Variants in ACACA observed in about 807,000 individuals in gnomAD.
The protein encoded by ACACA is acetyl-CoA carboxylase 1.
A neutral mutation model predicts 296.1 loss-of-function variants in ACACA; 103 were observed. That is an observed-to-expected ratio of 0.35 (90% CI 0.30 to 0.41). ACACA has a LOEUF of 0.41. Among genes scored for constraint, ACACA ranks in the 10% least tolerant of loss-of-function variants. ACACA has a pLI of 1.00. For missense variants in ACACA, 1,554 were observed against 2,989.7 expected, an observed-to-expected ratio of 0.52 and a Z score of 11.20; for synonymous variants, 953 against 1,038.6, an observed-to-expected ratio of 0.92 and a Z score of 1.58.
intron 1 of ACACA, among the ~76,000 whole-genome samples, chr17:37,381,766 T>C (rs183426986): frequency 1.3e-4 from 19 of 151,730 alleles, no homozygotes; most frequent in South Asian, 2.1e-4. Context: ...TAGCTGGGAC[T>C]ACAGGCACTC....
intron 45 of ACACA, among the ~76,000 whole-genome samples, chr17:37,134,477 T>A (rs892782796): frequency 3.9e-5 from 6 of 152,206 alleles, no homozygotes; most frequent in African/African-American, 1.4e-4. Flanking sequence ...GCAACTTAGC[T>A]CAATTTTTTA....
chr17:37,245,614 CA>C (rs2080656497), intron 19 of ACACA, among the ~76,000 whole-genome samples: 1 of 152,172 alleles, frequency 6.6e-6, no homozygotes, highest in Non-Finnish European at 1.5e-5. Context: ...CCAACCCAGC[CA>C]GACATATCTT....
At chr17:37,092,748 A>G (rs2072732937) in intron 54 of ACACA, among the ~76,000 whole-genome samples, 1 of 152,220 alleles carries the variant, frequency 6.6e-6, no homozygotes, top group South Asian at 2.1e-4. Context: ...AGACACCTCC[A>G]GCTAGGGAGG....
intron 54 of ACACA, among the ~76,000 whole-genome samples, chr17:37,093,085 C>T (rs935107451): frequency 2.0e-5 from 3 of 152,194 alleles, no homozygotes; most frequent in Non-Finnish European, 4.4e-5. Context: ...TTACCTCCTC[C>T]CTGCCTGGCC....
chr17:37,096,904 G>C, intron 54 of ACACA, 92 bp downstream of exon 54: 3 of 1,475,014 alleles, frequency 2.0e-6, no homozygotes, highest in Admixed American at 1.7e-5. Context: ...CCTGCCCTTA[G>C]AGGCCTGTGG....
chr17:37,225,402 T>C, intron 26 of ACACA: 1 of 351,002 alleles, frequency 2.8e-6, no homozygotes, highest in Non-Finnish European at 5.4e-6. Flanking sequence ...TGATTTACCA[T>C]TGCAAAGCTG....
chr17:37,247,682 T>C (rs1383276795), intron 18 of ACACA, among the ~76,000 whole-genome samples: 1 of 152,202 alleles, frequency 6.6e-6, no homozygotes, highest in African/African-American at 2.4e-5. Flanking sequence ...TGTGAATGTA[T>C]TTAAAGAAAA....
intron 26 of ACACA, 32 bp from the exon 27 acceptor site, chr17:37,225,137 T>A (rs1471276758): frequency 1.6e-6 from 2 of 1,288,078 alleles, no homozygotes; most frequent in Non-Finnish European, 2.3e-6. Context: ...AGGCACACAT[T>A]CCTCGGAGTG....
intron 33 of ACACA, among the ~76,000 whole-genome samples, chr17:37,200,863 T>C (rs1347453444): frequency 6.6e-6 from 1 of 152,122 alleles, no homozygotes. Flanking sequence ...AGATGCTAAA[T>C]GAAATTAGGT....
At chr17:37,366,065 T>C (rs2049591603) in intron 1 of ACACA, among the ~76,000 whole-genome samples, 1 of 152,218 alleles carries the variant, frequency 6.6e-6, no homozygotes, top group Non-Finnish European at 1.5e-5. Context: ...GTTTGGATTT[T>C]GCCCAGTCGT....
chr17:37,223,565 G>A lies in ACACA; in HGVS notation c.3511C>T (p.Leu1171=). Residue 1171 remains leucine, a synonymous_variant, in exon 28 of 56, where the codon CTA becomes TTA. Transcript: ENST00000616317. ...TTGCTGTGATAGAAGAAGTTTGGTA[G>A]GACATCAAAAATAGATGTTTCTGAT... The part of the protein sequence containing the change: ...ILSETSIFDV[L]PNFFYHSNQV... 1 of 1,612,204 alleles carries A rather than the reference G, an allele frequency of 6.2e-7. No homozygotes were observed. The highest frequency in any genetic ancestry group is 8.5e-7 in the Non-Finnish European group (1 of 1,178,296).
chr17:37,320,393 C>G (rs1023761334), intron 3 of ACACA, among the ~76,000 whole-genome samples: 8 of 151,728 alleles, frequency 5.3e-5, no homozygotes, highest in Admixed American at 2.6e-4. Context: ...CACCTGTTGT[C>G]CCAGCTACAT....
intron 8 of ACACA, among the ~76,000 whole-genome samples, chr17:37,275,530 A>G (rs948230806): frequency 4.0e-5 from 6 of 151,836 alleles, no homozygotes; most frequent in Non-Finnish European, 7.4e-5. Flanking sequence ...AAAAGAAAAA[A>G]AACATTGGCA....
chr17:37,264,425 A>G (rs560636928), intron 10 of ACACA, among the ~76,000 whole-genome samples: 2 of 152,176 alleles, frequency 1.3e-5, no homozygotes, highest in Non-Finnish European at 2.9e-5. Flanking sequence ...CACTGTTTCT[A>G]CTGAGATGCC....
At chr17:37,305,397 T>G (rs1220275676) in intron 3 of ACACA, among the ~76,000 whole-genome samples, 1 of 152,214 alleles carries the variant, frequency 6.6e-6, no homozygotes, top group Non-Finnish European at 1.5e-5. Context: ...TAAATGTGGC[T>G]TTTGAGGAGT....
intron 5 of ACACA, among the ~76,000 whole-genome samples, chr17:37,279,572 T>C (rs559828598): frequency 2.4e-4 from 36 of 150,748 alleles, no homozygotes; most frequent in Middle Eastern, 3.4e-3. Context: ...CGCTTGAACC[T>C]GGGAGGCAGA....
In ACACA at chr17:37,389,433, A is replaced by T. The variant is rs151167081; in HGVS notation, c.38+16829T>A. On this transcript the variant is annotated intron_variant, in intron 1 of 55. Transcript: ENST00000616317. The stretch of plus-strand genomic sequence containing the variant: ...GGGTAGGGGCCGGGCGTGGTGGCTC[A>T]CACCTCTATTCCCAGCACTTTGAGA... 9.9e-4 allele frequency: 1,504 copies of T among 1,526,276 alleles called. 13 individuals are homozygous for T. The African/African-American group carries it at 0.018, about 18-fold the overall frequency. The allele number at this position is 1,526,276 out of a possible 1,614,324, so 94.5% of individuals were successfully genotyped here. A position where few individuals can be genotyped will look rare whatever the true frequency, so the allele number is the denominator to read the frequency against.
At chr17:37,090,755 C>T (rs923153821) in intron 54 of ACACA, among the ~76,000 whole-genome samples, 1 of 152,190 alleles carries the variant, frequency 6.6e-6, no homozygotes, top group Non-Finnish European at 1.5e-5. Context: ...ATGGGTCCCC[C>T]TGGACTCCTA....
intron 2 of ACACA, among the ~76,000 whole-genome samples, chr17:37,339,261 C>T (rs1403510226): frequency 2.0e-5 from 3 of 152,200 alleles, no homozygotes; most frequent in Non-Finnish European, 2.9e-5. Flanking sequence ...TAGATGACCA[C>T]ACACAAAAGA....
Sources: gnomAD v4.1 joint callset for allele counts (sites outside exome capture counted in the v4.1 genomes callset) on GRCh38, gnomAD v4.1.1 for gene constraint, MANE v1.5 for transcripts, NCBI Gene and HGNC (gene_info 2026-07-23, HGNC 2026-07-21) for gene names.